SNX7: variants seen among roughly 807,000 people sequenced by gnomAD.
SNX7 encodes sorting nexin-7.
SNX7 carries 35 observed loss-of-function variants against 48.4 expected under a neutral mutation model. That is an observed-to-expected ratio of 0.72 (90% CI 0.55 to 0.96). The LOEUF is 0.96. SNX7 is among the 40% of genes least tolerant of loss of function. The pLI is 0.00. For missense variants in SNX7, 553 were observed against 548.9 expected (o/e 1.01, Z -0.07); for synonymous variants, 190 against 190.2 (o/e 1.00, Z 0.01).
chr1:98,752,028 T>C (rs1260712096), intron 8 of SNX7, among the ~76,000 whole-genome samples: 1 of 152,068 alleles, frequency 6.6e-6, no homozygotes, highest in Non-Finnish European at 1.5e-5. Context: ...CTGTAATGAT[T>C]TAAAAGTGAA....
chr1:98,667,937 A>G (rs1184368071), intron 1 of SNX7, among the ~76,000 whole-genome samples: 3 of 151,924 alleles, frequency 2.0e-5, no homozygotes, highest in Non-Finnish European at 4.4e-5. Context: ...AACAAAACAA[A>G]CAAACAAAAA....
At chr1:98,679,665 C>T (rs1258965420) in intron 1 of SNX7, among the ~76,000 whole-genome samples, 1 of 152,180 alleles carries the variant, frequency 6.6e-6, no homozygotes, top group Non-Finnish European at 1.5e-5. Flanking sequence ...AAAGGGGCTA[C>T]AGGCTCATGC....
chr1:98,689,616 A>T (rs1338727615), intron 2 of SNX7, among the ~76,000 whole-genome samples: 6 of 151,924 alleles, frequency 3.9e-5, no homozygotes, highest in Non-Finnish European at 7.4e-5. Context: ...TTTTCTTTTG[A>T]GTGCTTCATT....
intron 2 of SNX7, among the ~76,000 whole-genome samples, chr1:98,687,003 A>G (rs1412870947): frequency 1.3e-5 from 2 of 152,176 alleles, no homozygotes; most frequent in African/African-American, 4.8e-5. Context: ...CACATACTTT[A>G]AATGGACTGG....
chr1:98,712,349 A>G (rs994795849), intron 7 of SNX7, among the ~76,000 whole-genome samples: 4 of 152,206 alleles, frequency 2.6e-5, no homozygotes, highest in Non-Finnish European at 4.4e-5. Flanking sequence ...CTTAAATAAT[A>G]AGACTCAAAA....
chr1:98,673,888 T>C (rs1650014496), intron 1 of SNX7, among the ~76,000 whole-genome samples: 1 of 152,232 alleles, frequency 6.6e-6, no homozygotes, highest in African/African-American at 2.4e-5. Flanking sequence ...CTTAGAAAAC[T>C]CTCAGTATTT....
intron 7 of SNX7, among the ~76,000 whole-genome samples, chr1:98,736,216 T>C (rs11810907): frequency 0.28 from 42,056 of 152,152 alleles, 6,130 homozygotes; most frequent in Middle Eastern, 0.31. Context: ...TCTATGCCAT[T>C]GCATGGCAAT....
intron 8 of SNX7, among the ~76,000 whole-genome samples, chr1:98,746,755 T>C (rs11811184): frequency 0.27 from 40,315 of 151,820 alleles, 5,671 homozygotes; most frequent in Middle Eastern, 0.31. Flanking sequence ...TTTTCACTGA[T>C]GTATAGATGA....
chr1:98,695,732 G>A lies in SNX7; in HGVS notation c.838+16G>A. ...GAAGAAAGGGGTAAGTAGAATTACT[G>A]AAATGTGATTTCAAAGTTGTTCAGT... is the stretch of plus-strand genomic sequence containing the variant. On this transcript the variant is annotated intron_variant, in intron 5 of 8. Transcript: ENST00000306121. The A allele has an allele frequency of 6.7e-7, 1 of 1,497,092 alleles. No homozygotes were observed. Among genetic ancestry groups the A allele is most frequent in the Non-Finnish European group, 9.3e-7 (1 of 1,074,844 alleles). 92.7% of individuals were successfully genotyped at this position (1,497,092 alleles called of 1,614,324 possible).
intron 1 of SNX7, among the ~76,000 whole-genome samples, chr1:98,676,020 A>G (rs1044363107): frequency 2.6e-5 from 4 of 152,184 alleles, no homozygotes; most frequent in Non-Finnish European, 5.9e-5. Flanking sequence ...TGGAAAATAA[A>G]GAAAATCACA....
At chr1:98,754,002 A>G (rs941073760) in intron 8 of SNX7, among the ~76,000 whole-genome samples, 2 of 152,058 alleles carry the variant, frequency 1.3e-5, no homozygotes, top group African/African-American at 4.8e-5. Flanking sequence ...TTTACTGCAT[A>G]TCTGCATATG....
In SNX7 at chr1:98,661,890, C is replaced by T. The variant is rs1324933811; in HGVS notation, c.159C>T (p.Asp53=). The T allele has an allele frequency of 8.8e-6, 11 of 1,247,078 alleles. No homozygotes were observed. The East Asian group carries it at 3.2e-4, about 36-fold the overall frequency. 77.3% of individuals were successfully genotyped at this position (1,247,078 alleles called of 1,614,324 possible). ...AEVLDLDEDE[D]DLEVFSKDAS... ...TGCTGGATCTGGACGAGGACGAGGA[C>T]GACCTGGAGGTGTTCAGCAAGGTGA... The change falls in exon 1 of 9, where the codon GAC becomes GAT. Residue 53 remains aspartate, a synonymous_variant. Coordinates refer to ENST00000306121, the MANE Select transcript of SNX7 (RefSeq NM_015976.5).
chr1:98,673,069 C>A (rs1191269967), intron 1 of SNX7, among the ~76,000 whole-genome samples: 1 of 151,972 alleles, frequency 6.6e-6, no homozygotes, highest in Admixed American at 6.6e-5. Flanking sequence ...TTAACAATCT[C>A]TAGCTGTGCA....
intron 7 of SNX7, among the ~76,000 whole-genome samples, chr1:98,707,105 G>A (rs1652050978): frequency 1.3e-5 from 2 of 152,074 alleles, no homozygotes; most frequent in South Asian, 4.1e-4. Context: ...TCAGAGCCTT[G>A]GCATATTTCA....
chr1:98,716,274 A>C (rs1327101233), intron 7 of SNX7, among the ~76,000 whole-genome samples: 1 of 151,992 alleles, frequency 6.6e-6, no homozygotes, highest in Non-Finnish European at 1.5e-5. Flanking sequence ...TCCTATCCCC[A>C]TATGGTGCCC....
At chr1:98,729,906 T>C (rs982896855) in intron 7 of SNX7, among the ~76,000 whole-genome samples, 1 of 152,186 alleles carries the variant, frequency 6.6e-6, no homozygotes, top group African/African-American at 2.4e-5. Context: ...CTAACTCATT[T>C]TATGAGGCCA....
chr1:98,744,223 T>A (rs1654210074), intron 8 of SNX7, among the ~76,000 whole-genome samples: 1 of 151,956 alleles, frequency 6.6e-6, no homozygotes, highest in African/African-American at 2.4e-5. Context: ...GCTTAAAAAA[T>A]TAGATAAAAG....
At chr1:98,758,480 A>G (rs1183622294) in intron 8 of SNX7, among the ~76,000 whole-genome samples, 1 of 152,066 alleles carries the variant, frequency 6.6e-6, no homozygotes, top group African/African-American at 2.4e-5. Context: ...AATATCATAA[A>G]GTTAGTAACT....
intron 1 of SNX7, among the ~76,000 whole-genome samples, chr1:98,669,378 A>G (rs1443737664): frequency 6.6e-6 from 1 of 152,120 alleles, no homozygotes; most frequent in Non-Finnish European, 1.5e-5. Flanking sequence ...CATTCTCCTA[A>G]TATTCTGCCC....
Sources: gnomAD v4.1 joint callset for allele counts (sites outside exome capture counted in the v4.1 genomes callset) on GRCh38, gnomAD v4.1.1 for gene constraint, MANE v1.5 for transcripts, NCBI Gene and HGNC (gene_info 2026-07-23, HGNC 2026-07-21) for gene names.